XKR4: variants seen among roughly 807,000 people sequenced by gnomAD.
XKR4 encodes the protein XK related 4.
XKR4 carries 12 observed loss-of-function variants against 53.9 expected under a neutral mutation model. That is an observed-to-expected ratio of 0.22 (90% confidence interval 0.14 to 0.36). The LOEUF (loss-of-function observed/expected upper bound fraction) is 0.36, where lower values mean the gene tolerates loss of function less well. Ranked by LOEUF, XKR4 falls within the 10% of genes least tolerant of loss-of-function variation. XKR4 has a pLI of 1.00. For synonymous variants in XKR4, 354 were observed against 362.4 expected (o/e 0.98, Z 0.26); for missense variants, 799 against 859.5 (o/e 0.93, Z 0.88).
chr8:55,512,523 CTCT>C (rs770082467), intron 2 of XKR4, among the ~76,000 whole-genome samples: 30 of 152,220 alleles, frequency 2.0e-4, no homozygotes, highest in Admixed American at 1.2e-3. Context: ...CACGGGTTCT[CTCT>C]TCTCTACACT....
At chr8:55,192,501 A>C (rs1585929756) in intron 1 of XKR4, among the ~76,000 whole-genome samples, 1 of 152,138 alleles carries the variant, frequency 6.6e-6, no homozygotes, top group African/African-American at 2.4e-5. Flanking sequence ...TAATGGCTTG[A>C]AAAGAAAGTC....
chr8:55,340,028 TGG>T (rs1803518463), intron 1 of XKR4, among the ~76,000 whole-genome samples: 1 of 152,210 alleles, frequency 6.6e-6, no homozygotes, highest in South Asian at 2.1e-4. Flanking sequence ...ATGAACAGAA[TGG>T]TTCAAATTAT....
intron 2 of XKR4, among the ~76,000 whole-genome samples, chr8:55,413,205 C>A (rs1371348241): frequency 6.6e-6 from 1 of 152,166 alleles, no homozygotes; most frequent in Admixed American, 6.5e-5. Context: ...GATCCTACGA[C>A]AGACATATCT....
intron 2 of XKR4, among the ~76,000 whole-genome samples, chr8:55,508,709 A>G (rs1365774384): frequency 6.6e-6 from 1 of 152,252 alleles, no homozygotes; most frequent in Non-Finnish European, 1.5e-5. Flanking sequence ...CCCAGGGGCT[A>G]GTCTGGGGCA....
chr8:55,271,267 C>A (rs777163395), intron 1 of XKR4, among the ~76,000 whole-genome samples: 1 of 151,870 alleles, frequency 6.6e-6, no homozygotes, highest in Non-Finnish European at 1.5e-5. Flanking sequence ...GAACATAATA[C>A]CTTAAAGTGA....
At chr8:55,113,923 T>C (rs931759975) in intron 1 of XKR4, among the ~76,000 whole-genome samples, 1 of 152,230 alleles carries the variant, frequency 6.6e-6, no homozygotes, top group East Asian at 1.9e-4. Flanking sequence ...TTAGTGGCTG[T>C]ATAGTATTCC....
chr8:55,171,750 G>C (rs115193620), intron 1 of XKR4, among the ~76,000 whole-genome samples: 4,726 of 151,912 alleles, frequency 0.031, 246 homozygotes, highest in African/African-American at 0.11. Flanking sequence ...CCTCCCCTTC[G>C]CCTGACAGCC....
chr8:55,319,467 C>A (rs573922932), intron 1 of XKR4, among the ~76,000 whole-genome samples: 35 of 152,268 alleles, frequency 2.3e-4, no homozygotes, highest in Non-Finnish European at 4.4e-4. Flanking sequence ...GCAGTGAAGT[C>A]ATTTGCGATG....
intron 2 of XKR4, among the ~76,000 whole-genome samples, chr8:55,369,256 G>C (rs1376466239): frequency 6.6e-6 from 1 of 151,350 alleles, no homozygotes; most frequent in Non-Finnish European, 1.5e-5. Context: ...CCAGTTACTT[G>C]AGAGGCTAAG....
Position 55,214,456 on chromosome 8 carries a change from T to C in XKR4, c.806+111162T>C, listed in dbSNP as rs143388813. Among the ~76,000 whole-genome samples the C allele has an allele frequency of 3.4e-3, 519 of 152,322 alleles. 1 individual carries two copies. Among genetic ancestry groups the C allele is most frequent in the Non-Finnish European group, 6.2e-3 (420 of 68,030 alleles). On this transcript the variant is annotated intron_variant, in intron 1 of 2. Coordinates refer to ENST00000327381, the MANE Select transcript of XKR4 (RefSeq NM_052898.2). ...CAATACCCTACTATAGTGAGTATTG[T>C]ACATATGGTGATAAAGAAGGAATAA...
At chr8:55,172,622 C>A (rs1252506603) in intron 1 of XKR4, among the ~76,000 whole-genome samples, 1 of 152,036 alleles carries the variant, frequency 6.6e-6, no homozygotes, top group Non-Finnish European at 1.5e-5. Context: ...AGGTGGATAG[C>A]CAAATTGAAA....
chr8:55,136,814 A>T (rs924857169), intron 1 of XKR4, among the ~76,000 whole-genome samples: 1 of 152,216 alleles, frequency 6.6e-6, no homozygotes, highest in African/African-American at 2.4e-5. Flanking sequence ...TTTAGCTCTT[A>T]AAATACTTCC....
chr8:55,319,914 G>A (rs1462197230), intron 1 of XKR4, among the ~76,000 whole-genome samples: 2 of 152,212 alleles, frequency 1.3e-5, no homozygotes, highest in Non-Finnish European at 2.9e-5. Flanking sequence ...AGCAAAGAGT[G>A]TGGTCAAGAG....
At chr8:55,341,006 TGAGCATG>T (rs1468254399) in intron 1 of XKR4, among the ~76,000 whole-genome samples, 7 of 152,192 alleles carry the variant, frequency 4.6e-5, no homozygotes, top group Non-Finnish European at 1.0e-4. Context: ...CTGGGGTGTT[TGAGCATG>T]GAACTCATGT....
intron 1 of XKR4, among the ~76,000 whole-genome samples, chr8:55,155,062 C>T (rs573638631): frequency 6.6e-6 from 1 of 152,210 alleles, no homozygotes. Context: ...CTCTTCTTCA[C>T]CCTTTCTGCA....
intron 1 of XKR4, among the ~76,000 whole-genome samples, chr8:55,311,868 GA>G (rs1819395135): frequency 9.0e-6 from 1 of 111,204 alleles, no homozygotes; most frequent in African/African-American, 3.4e-5. Context: ...AAAAAGAAAA[GA>G]AAAAACTAAA....
intron 1 of XKR4, among the ~76,000 whole-genome samples, chr8:55,228,842 TACACACACACAC>T (rs71256522): frequency 7.0e-4 from 105 of 150,082 alleles, no homozygotes; most frequent in African/African-American, 2.2e-3. Flanking sequence ...TGTGTGTATG[TACACACACACAC>T]ACACACACAC....
At position 55,529,793 on chromosome 8, in the gene XKR4, A is replaced by G. The variant is rs957594734; in HGVS notation, c.*5566A>G. 6.6e-6 allele frequency: 1 copy of G among 152,162 alleles called. No homozygotes were observed. The highest frequency in any genetic ancestry group is 2.4e-5 in the African/African-American group (1 of 41,442). 9.4% of individuals were successfully genotyped at this position (152,162 alleles called of 1,614,324 possible). A position where few individuals can be genotyped will look rare whatever the true frequency, so the allele number is the denominator to read the frequency against. ...AATTTTTCCAAGAAAATTTTATTTA[A>G]AAGTCAAAGATGTCCTTCAAAATGA... On this transcript the variant is annotated 3_prime_UTR_variant, in exon 3 of 3. Transcript: ENST00000327381.
chr8:55,239,290 C>T lies in XKR4; in HGVS notation c.807-118388C>T, dbSNP rs139459096. Among the ~76,000 whole-genome samples, 929 of 152,244 alleles carry T rather than the reference C, an allele frequency of 6.1e-3. 8 individuals are homozygous for T. Among genetic ancestry groups the T allele is most frequent in the African/African-American group, 0.021 (853 of 41,540 alleles). On this transcript the variant is annotated intron_variant, in intron 1 of 2. Coordinates refer to ENST00000327381, the MANE Select transcript of XKR4 (RefSeq NM_052898.2). ...CATGAAGTATCTTGTTGTTTGGTCA[C>T]GGGTGATAGCTCAAATTGTGTTCAG... is the stretch of plus-strand genomic sequence containing the variant.
Sources: allele counts gnomAD v4.1 joint callset (sites outside exome capture counted in the v4.1 genomes callset), GRCh38; gene constraint gnomAD v4.1.1; transcripts MANE v1.5; gene names NCBI Gene and HGNC (gene_info 2026-07-23, HGNC 2026-07-21).